PTPRG: variants seen among roughly 807,000 people sequenced by gnomAD.
PTPRG encodes receptor-type tyrosine-protein phosphatase gamma.
PTPRG carries 102 observed loss-of-function variants against 165.3 expected under a neutral mutation model. The observed-to-expected ratio is 0.62, with a 90% CI of 0.53 to 0.73. The LOEUF (loss-of-function observed/expected upper bound fraction) is 0.73. PTPRG is among the 30% of genes least tolerant of loss of function. The probability of loss-of-function intolerance (pLI) is 0.00; values close to 1 mark genes in which losing one functional copy is unlikely to be tolerated. For synonymous variants in PTPRG, 675 were observed against 669.5 expected, an observed-to-expected ratio of 1.01 and a Z score of -0.13; for missense variants, 1,866 against 1,861.4, an observed-to-expected ratio of 1.00 and a Z score of -0.05.
At chr3:61,964,919 C>A (rs576798833) in intron 2 of PTPRG, among the ~76,000 whole-genome samples, 2 of 151,992 alleles carry the variant, frequency 1.3e-5, no homozygotes, top group Admixed American at 6.6e-5. Flanking sequence ...TAAAAAAAAT[C>A]CAATCAAAAT....
At chr3:61,622,915 A>G (rs1701504026) in intron 1 of PTPRG, among the ~76,000 whole-genome samples, 3 of 152,216 alleles carry the variant, frequency 2.0e-5, no homozygotes, top group Non-Finnish European at 2.9e-5. Context: ...AAAAAGGGAC[A>G]GTATTATTTT....
At chr3:61,728,232 T>C (rs186708442) in intron 1 of PTPRG, among the ~76,000 whole-genome samples, 60 of 152,322 alleles carry the variant, frequency 3.9e-4, no homozygotes, top group African/African-American at 1.4e-3. Context: ...CCGTGCGACC[T>C]TGAGCAAGTC....
intron 5 of PTPRG, among the ~76,000 whole-genome samples, chr3:62,120,132 A>G (rs974355445): frequency 6.6e-6 from 1 of 152,026 alleles, no homozygotes. Context: ...AGATGATTCC[A>G]GTGGGCAGCC....
chr3:62,286,776 A>G (rs1276038492), intron 28 of PTPRG, among the ~76,000 whole-genome samples: 1 of 152,134 alleles, frequency 6.6e-6, no homozygotes. Context: ...CATTTTACCT[A>G]GGTTACAGAT....
At chr3:61,917,384 G>A (rs2038966816) in intron 2 of PTPRG, among the ~76,000 whole-genome samples, 1 of 152,158 alleles carries the variant, frequency 6.6e-6, no homozygotes, top group South Asian at 2.1e-4. Flanking sequence ...TTTAAGCGGT[G>A]AACATGCCAC....
At chr3:62,001,829 G>A (rs6445245) in intron 3 of PTPRG, among the ~76,000 whole-genome samples, 1 of 152,042 alleles carries the variant, frequency 6.6e-6, no homozygotes, top group African/African-American at 2.4e-5. Context: ...AGTATTATCT[G>A]TGGCTGCTTC....
At chr3:62,033,747 C>A (rs1699850723) in intron 4 of PTPRG, among the ~76,000 whole-genome samples, 1 of 151,960 alleles carries the variant, frequency 6.6e-6, no homozygotes, top group African/African-American at 2.4e-5. Context: ...TTTGAGGTTT[C>A]CAGCAACCCT....
At chr3:61,943,987 G>C (rs926295444) in intron 2 of PTPRG, among the ~76,000 whole-genome samples, 1 of 151,524 alleles carries the variant, frequency 6.6e-6, no homozygotes. Context: ...CTTTTTTTTC[G>C]TTGAATATAT....
At chr3:61,631,362 G>A (rs1246676168) in intron 1 of PTPRG, among the ~76,000 whole-genome samples, 1 of 152,160 alleles carries the variant, frequency 6.6e-6, no homozygotes, top group Non-Finnish European at 1.5e-5. Flanking sequence ...GGTGAATATA[G>A]TATGATAGTA....
At chr3:62,098,624 T>G (rs543672148) in intron 5 of PTPRG, among the ~76,000 whole-genome samples, 1 of 152,346 alleles carries the variant, frequency 6.6e-6, no homozygotes, top group Admixed American at 6.5e-5. Context: ...GTCACATGGC[T>G]GGAACTGGCA....
intron 2 of PTPRG, among the ~76,000 whole-genome samples, chr3:61,988,006 G>A (rs1479666883): frequency 6.6e-6 from 1 of 152,186 alleles, no homozygotes; most frequent in Non-Finnish European, 1.5e-5. Context: ...TGAGTGAAAA[G>A]CCTATGACAG....
intron 6 of PTPRG, among the ~76,000 whole-genome samples, chr3:62,146,079 A>G (rs143648847): frequency 7.9e-5 from 12 of 152,340 alleles, no homozygotes; most frequent in African/African-American, 2.9e-4. Context: ...GAGAAAGGCA[A>G]TCAATGAAAC....
At chr3:62,048,979 G>A (rs1700382660) in intron 4 of PTPRG, among the ~76,000 whole-genome samples, 1 of 152,150 alleles carries the variant, frequency 6.6e-6, no homozygotes, top group Admixed American at 6.5e-5. Flanking sequence ...TTTCAAAAGG[G>A]ATACAATATG....
chr3:62,033,916 C>T (rs971865575), intron 4 of PTPRG, among the ~76,000 whole-genome samples: 3 of 152,192 alleles, frequency 2.0e-5, no homozygotes, highest in South Asian at 2.1e-4. Flanking sequence ...TACAGGCGCC[C>T]GCTAATGCCC....
intron 2 of PTPRG, among the ~76,000 whole-genome samples, chr3:61,772,058 TAAAAAAAAAAA>T (rs71100977): frequency 1.5e-5 from 1 of 64,782 alleles, no homozygotes; most frequent in Non-Finnish European, 2.8e-5. Flanking sequence ...AGACTCTGTC[TAAAAAAAAAAA>T]AAAAAAAAAA....
At chr3:62,178,003 G>A (rs1020185581) in intron 8 of PTPRG, among the ~76,000 whole-genome samples, 1 of 124,778 alleles carries the variant, frequency 8.0e-6, no homozygotes, top group Non-Finnish European at 1.6e-5. Flanking sequence ...TATGGTAACT[G>A]TTGACTCCTC....
chr3:62,148,141 A>G (rs891366112), intron 6 of PTPRG, among the ~76,000 whole-genome samples: 4 of 152,038 alleles, frequency 2.6e-5, no homozygotes, highest in African/African-American at 4.8e-5. Flanking sequence ...ACAAGACTCT[A>G]TCTCAAAAAT....
intron 6 of PTPRG, among the ~76,000 whole-genome samples, chr3:62,135,748 G>A (rs552858869): frequency 2.6e-5 from 4 of 152,260 alleles, no homozygotes; most frequent in Admixed American, 1.3e-4. Flanking sequence ...TGGGGAGAGC[G>A]TTTGGGCCAC....
At chr3:61,563,202 T>A (rs1054468164) in intron 1 of PTPRG, among the ~76,000 whole-genome samples, 4 of 152,048 alleles carry the variant, frequency 2.6e-5, no homozygotes, top group Non-Finnish European at 4.4e-5. Context: ...CGGGGCTGAT[T>A]TTTTTCCTGT....
Sources: gnomAD v4.1 joint callset for allele counts (sites outside exome capture counted in the v4.1 genomes callset) on GRCh38, gnomAD v4.1.1 for gene constraint, MANE v1.5 for transcripts, NCBI Gene and HGNC (gene_info 2026-07-23, HGNC 2026-07-21) for gene names.